Variants in ERG observed in about 807,000 individuals in gnomAD.
The protein encoded by ERG is ETS transcription factor ERG.
ERG carries 9 observed loss-of-function variants against 55.3 expected under a neutral mutation model. The observed-to-expected ratio is 0.16, with a 90% CI of 0.10 to 0.28. The LOEUF is 0.28. Among genes scored for constraint, ERG ranks in the 10% least tolerant of loss-of-function variants. The probability of loss-of-function intolerance (pLI) is 1.00; values close to 1 mark genes in which losing one functional copy is unlikely to be tolerated. For synonymous variants in ERG, 223 were observed against 237.3 expected (o/e 0.94, Z 0.55); for missense variants, 434 against 631.6 (o/e 0.69, Z 3.35).
intron 2 of ERG, among the ~76,000 whole-genome samples, chr21:38,429,540 T>C (rs58796403): frequency 0.37 from 6,765 of 18,376 alleles, 2,957 homozygotes; most frequent in South Asian, 0.83. Flanking sequence ...TGTACATATA[T>C]ACATATGTGT....
At chr21:38,645,722 C>T (rs2146977259) in intron 1 of ERG, among the ~76,000 whole-genome samples, 1 of 152,338 alleles carries the variant, frequency 6.6e-6, no homozygotes, top group South Asian at 2.1e-4. Context: ...TTAAACACCA[C>T]TTAAAACATA....
chr21:38,417,009 G>A (rs1267121338), intron 3 of ERG, among the ~76,000 whole-genome samples: 1 of 152,250 alleles, frequency 6.6e-6, no homozygotes, highest in Non-Finnish European at 1.5e-5. Flanking sequence ...TTCCTCACAT[G>A]CTCTGAAATA....
At chr21:38,582,218 T>C (rs1041913138) in intron 1 of ERG, among the ~76,000 whole-genome samples, 2 of 151,604 alleles carry the variant, frequency 1.3e-5, no homozygotes, top group Admixed American at 1.3e-4. Context: ...AAAAGGGGGG[T>C]TGTGGGAACC....
intron 1 of ERG, among the ~76,000 whole-genome samples, chr21:38,602,162 C>A (rs1334696651): frequency 6.6e-6 from 1 of 152,162 alleles, no homozygotes; most frequent in African/African-American, 2.4e-5. Context: ...AAAGAAACCA[C>A]AGCCAGGCAT....
chr21:38,643,294 CG>C (rs895371556), intron 1 of ERG, among the ~76,000 whole-genome samples: 1 of 152,094 alleles, frequency 6.6e-6, no homozygotes, highest in African/African-American at 2.4e-5. Flanking sequence ...GGAAGATTTA[CG>C]GGATGGTTTA....
At chr21:38,387,372 G>A (rs903007548) in intron 9 of ERG, among the ~76,000 whole-genome samples, 12 of 152,286 alleles carry the variant, frequency 7.9e-5, no homozygotes, top group African/African-American at 2.6e-4. Context: ...TCTCTGCCCC[G>A]AGGCTCAGTG....
At chr21:38,627,339 A>C (rs1202789002) in intron 1 of ERG, among the ~76,000 whole-genome samples, 1 of 152,222 alleles carries the variant, frequency 6.6e-6, no homozygotes, top group Non-Finnish European at 1.5e-5. Flanking sequence ...ACCCAAAAAA[A>C]GGAAGCTTGA....
intron 1 of ERG, among the ~76,000 whole-genome samples, chr21:38,462,453 G>A (rs2059052835): frequency 6.6e-6 from 1 of 152,094 alleles, no homozygotes; most frequent in Admixed American, 6.5e-5. Context: ...CTGCCGTCGA[G>A]GTTTTAAGCT....
chr21:38,477,524 T>C (rs2059200204), intron 1 of ERG, among the ~76,000 whole-genome samples: 1 of 152,158 alleles, frequency 6.6e-6, no homozygotes, highest in African/African-American at 2.4e-5. Context: ...TTGGGCCATG[T>C]GAAATACCGA....
chr21:38,477,137 C>A (rs2059196576), intron 1 of ERG, among the ~76,000 whole-genome samples: 1 of 151,606 alleles, frequency 6.6e-6, no homozygotes, highest in Non-Finnish European at 1.5e-5. Flanking sequence ...CCTCCACCTC[C>A]CAAGTAGCTG....
downstream of ERG, chr21:38,379,938 G>C: frequency 1.2e-6 from 1 of 858,594 alleles, no homozygotes; most frequent in Non-Finnish European, 1.4e-6. Flanking sequence ...CGATCCACCC[G>C]CCTCTGTCCT....
intron 2 of ERG, among the ~76,000 whole-genome samples, chr21:38,426,791 G>T (rs569456988): frequency 7.2e-5 from 11 of 151,822 alleles, no homozygotes; most frequent in African/African-American, 2.7e-4. Context: ...TTAGCCGGGC[G>T]TGGTGGTGCA....
At chr21:38,582,924 G>T (rs2060039164) in intron 1 of ERG, among the ~76,000 whole-genome samples, 1 of 152,124 alleles carries the variant, frequency 6.6e-6, no homozygotes, top group African/African-American at 2.4e-5. Context: ...TTAAAATGTT[G>T]CAACTTTTTA....
intron 1 of ERG, among the ~76,000 whole-genome samples, chr21:38,590,551 T>C (rs947929288): frequency 6.6e-6 from 1 of 151,190 alleles, no homozygotes; most frequent in Non-Finnish European, 1.5e-5. Flanking sequence ...TTCAAATCCA[T>C]TCATTCATAC....
chr21:38,435,553 C>T (rs1025199433), intron 2 of ERG, among the ~76,000 whole-genome samples: 2 of 152,160 alleles, frequency 1.3e-5, no homozygotes, highest in Non-Finnish European at 2.9e-5. Context: ...GAATTTCAGC[C>T]TCTTCCCAAC....
intron 1 of ERG, among the ~76,000 whole-genome samples, chr21:38,481,411 T>C (rs1727926652): frequency 6.6e-6 from 1 of 152,226 alleles, no homozygotes; most frequent in Non-Finnish European, 1.5e-5. Context: ...CTAAAAATCT[T>C]ATCAAGATAA....
At chr21:38,408,387 C>A (rs190547337) in intron 3 of ERG, among the ~76,000 whole-genome samples, 2 of 152,336 alleles carry the variant, frequency 1.3e-5, no homozygotes, top group East Asian at 3.9e-4. Context: ...GCGTGAAGGA[C>A]TAGCACCTTC....
At chr21:38,646,487 G>A (rs2060457702) in intron 1 of ERG, among the ~76,000 whole-genome samples, 1 of 152,054 alleles carries the variant, frequency 6.6e-6, no homozygotes, top group South Asian at 2.1e-4. Context: ...GATCTGCTCT[G>A]GTTTCACACA....
At chr21:38,411,521 T>G (rs765581005) in intron 3 of ERG, among the ~76,000 whole-genome samples, 4 of 152,188 alleles carry the variant, frequency 2.6e-5, no homozygotes, top group Non-Finnish European at 5.9e-5. Context: ...TTGTCCAGGC[T>G]GATCTGGAAC....
Sources: allele counts gnomAD v4.1 joint callset (sites outside exome capture counted in the v4.1 genomes callset), GRCh38; gene constraint gnomAD v4.1.1; transcripts MANE v1.5; gene names NCBI Gene and HGNC (gene_info 2026-07-23, HGNC 2026-07-21).